The following CCDC91 variants were observed in gnomAD, a reference collection of about 807,000 sequenced individuals.
The protein encoded by CCDC91 is coiled-coil domain containing 91.
Under a neutral mutation model 63.2 loss-of-function variants are expected in CCDC91, and 48 were observed. The observed-to-expected ratio is 0.76, with a 90% CI of 0.60 to 0.97. The LOEUF (loss-of-function observed/expected upper bound fraction) is 0.97. CCDC91 is among the 50% of genes least tolerant of loss of function. CCDC91 has a pLI of 0.00. For missense variants in CCDC91, 500 were observed against 494.6 expected (o/e 1.01, Z -0.10); for synonymous variants, 167 against 165.8 (o/e 1.01, Z -0.06).
intron 1 of CCDC91, among the ~76,000 whole-genome samples, chr12:28,254,440 T>C (rs891156198): frequency 1.3e-5 from 2 of 152,208 alleles, no homozygotes; most frequent in African/African-American, 4.8e-5. Flanking sequence ...AAATACTTGA[T>C]AAGAATGCAC....
At chr12:28,548,976 T>C in intron 12 of CCDC91, 87 bp from the exon 13 acceptor site, 1 of 850,360 alleles carries the variant, frequency 1.2e-6, no homozygotes, top group East Asian at 2.5e-5. Flanking sequence ...AAGTTTTTTC[T>C]AGTGGGCTTC....
chr12:28,292,342 ATTAACT>A (rs1313062424), intron 3 of CCDC91, among the ~76,000 whole-genome samples: 6 of 152,216 alleles, frequency 3.9e-5, no homozygotes, highest in African/African-American at 1.4e-4. Context: ...CTTATGGCTG[ATTAACT>A]TTAATGGATA....
chr12:28,410,659 C>G lies in CCDC91; in HGVS notation c.762+19248C>G, dbSNP rs1947261007. Reference sequence around the variant, plus strand: ...GCCTCAGCCTCCTGAGTAGCTGGGACTATAGGTGTGTGCCCCCATGCCTGG... The same window carrying G: ...GCCTCAGCCTCCTGAGTAGCTGGGAGTATAGGTGTGTGCCCCCATGCCTGG... On this transcript the variant is annotated intron_variant, in intron 8 of 12. Coordinates refer to ENST00000536442, the MANE Select transcript of CCDC91 (RefSeq NM_018318.5). Among the ~76,000 whole-genome samples, 4 of 151,898 alleles carry G rather than the reference C, an allele frequency of 2.6e-5. No homozygotes were observed. In the South Asian group the frequency reaches 8.3e-4, roughly 31 times the overall value.
At chr12:28,276,099 C>CT (rs1420417347) in intron 3 of CCDC91, among the ~76,000 whole-genome samples, 3 of 151,828 alleles carry the variant, frequency 2.0e-5, no homozygotes, top group East Asian at 3.9e-4. Context: ...CCTAAAAATT[C>CT]TTTTTTTCTT....
chr12:28,360,175 A>G (rs1943784986), intron 6 of CCDC91, among the ~76,000 whole-genome samples: 1 of 152,218 alleles, frequency 6.6e-6, no homozygotes, highest in South Asian at 2.1e-4. Context: ...AGTTGAATAA[A>G]TTGTGATTTA....
At chr12:28,411,309 A>T (rs1565930547) in intron 8 of CCDC91, among the ~76,000 whole-genome samples, 1 of 152,148 alleles carries the variant, frequency 6.6e-6, no homozygotes, top group Non-Finnish European at 1.5e-5. Flanking sequence ...TTTTTAAAAC[A>T]TATGATTTCC....
chr12:28,262,899 AAGG>A (rs1480256380), intron 3 of CCDC91, among the ~76,000 whole-genome samples: 7 of 151,944 alleles, frequency 4.6e-5, no homozygotes, highest in African/African-American at 1.7e-4. Context: ...AAAGCTACCC[AAGG>A]AGAAGAACTG....
intron 6 of CCDC91, among the ~76,000 whole-genome samples, chr12:28,326,237 A>G (rs983355826): frequency 3.9e-5 from 6 of 152,108 alleles, no homozygotes; most frequent in African/African-American, 1.4e-4. Context: ...CAATTGTGAG[A>G]CATTGCTGTG....
intron 8 of CCDC91, among the ~76,000 whole-genome samples, chr12:28,447,713 A>AGGGC (rs1565987932): frequency 5.1e-5 from 3 of 58,970 alleles, no homozygotes; most frequent in African/African-American, 1.4e-4. Context: ...GAAGAATGGG[A>AGGGC]AGGGCAGGGC....
At chr12:28,266,975 A>G (rs1240384500) in intron 3 of CCDC91, among the ~76,000 whole-genome samples, 1 of 151,954 alleles carries the variant, frequency 6.6e-6, no homozygotes, top group African/African-American at 2.4e-5. Context: ...ATACCAGTAT[A>G]TACAATTCTC....
At chr12:28,455,911 A>T (rs757587898) in intron 11 of CCDC91, among the ~76,000 whole-genome samples, 21 of 152,112 alleles carry the variant, frequency 1.4e-4, no homozygotes, top group Non-Finnish European at 2.4e-4. Flanking sequence ...TACAGAGATT[A>T]TGTAACTTGT....
intron 1 of CCDC91, among the ~76,000 whole-genome samples, chr12:28,221,732 G>A (rs1158136542): frequency 6.6e-6 from 1 of 152,162 alleles, no homozygotes; most frequent in Non-Finnish European, 1.5e-5. Context: ...TGCCAGCTAT[G>A]TGTGAACTCC....
chr12:28,487,352 T>A (rs1370274030), intron 12 of CCDC91, among the ~76,000 whole-genome samples: 3 of 151,822 alleles, frequency 2.0e-5, no homozygotes, highest in Non-Finnish European at 2.9e-5. Flanking sequence ...ATGTAAATTT[T>A]AAAAAATTGA....
At chr12:28,315,369 T>C (rs1939752368) in intron 6 of CCDC91, among the ~76,000 whole-genome samples, 1 of 151,910 alleles carries the variant, frequency 6.6e-6, no homozygotes, top group South Asian at 2.1e-4. Flanking sequence ...TCTCACCATG[T>C]TCACCAGGCT....
intron 11 of CCDC91, among the ~76,000 whole-genome samples, chr12:28,463,729 G>A (rs1950417372): frequency 6.6e-6 from 1 of 152,028 alleles, no homozygotes; most frequent in African/African-American, 2.4e-5. Context: ...TGTCTCTGGG[G>A]GTAATAATAA....
chr12:28,451,517 C>A (rs1224659268), intron 10 of CCDC91, among the ~76,000 whole-genome samples: 1 of 151,558 alleles, frequency 6.6e-6, no homozygotes, highest in South Asian at 2.1e-4. Flanking sequence ...TTAGAAAACT[C>A]GTATCTGTTT....
In CCDC91 at chr12:28,549,231, C is replaced by T. The variant is rs1219651886; in HGVS notation, c.*58C>T. ...TAAATCATATTACACCTTCAAAATA[C>T]ACACTCTGAATTATAAAGATGTGTT... On this transcript the variant is annotated 3_prime_UTR_variant, in exon 13 of 13. Transcript: ENST00000536442. 5.3e-5 allele frequency: 48 copies of T among 911,734 alleles called. No homozygotes were observed. Among genetic ancestry groups the T allele is most frequent in the Non-Finnish European group, 8.6e-5 (47 of 549,368 alleles). 56.5% of individuals were successfully genotyped at this position (911,734 alleles called of 1,614,324 possible).
chr12:28,295,930 T>C (rs924646192), intron 3 of CCDC91, among the ~76,000 whole-genome samples: 3 of 152,030 alleles, frequency 2.0e-5, no homozygotes, highest in Non-Finnish European at 2.9e-5. Flanking sequence ...GAAAAAAGCC[T>C]TTTATTTTTA....
At chr12:28,493,140 C>T (rs1050925247) in intron 12 of CCDC91, among the ~76,000 whole-genome samples, 1 of 151,600 alleles carries the variant, frequency 6.6e-6, no homozygotes, top group Non-Finnish European at 1.5e-5. Context: ...ATCCTCACAA[C>T]AACCCTAAAA....
Sources: gnomAD v4.1 joint callset for allele counts (sites outside exome capture counted in the v4.1 genomes callset) on GRCh38, gnomAD v4.1.1 for gene constraint, MANE v1.5 for transcripts, NCBI Gene and HGNC (gene_info 2026-07-23, HGNC 2026-07-21) for gene names.